The following ZNF578 variants were observed in gnomAD, a reference collection of about 807,000 sequenced individuals.
ZNF578 encodes zinc finger protein 578.
Under a neutral mutation model 8.3 loss-of-function variants are expected in ZNF578, and 8 were observed. The observed-to-expected ratio is 0.96, with a 90% CI of 0.56 to 1.74. The LOEUF (loss-of-function observed/expected upper bound fraction) is 1.74. Ranked by LOEUF, ZNF578 falls within the 40% of genes most tolerant of loss-of-function variation. The pLI, the probability that ZNF578 is intolerant of heterozygous loss-of-function variation, is 0.00. For missense variants in ZNF578, 726 were observed against 707.5 expected (o/e 1.03, Z -0.30); for synonymous variants, 206 against 232.2 (o/e 0.89, Z 1.03).
At chr19:52,479,933 G>A (rs534578905) in intron 2 of ZNF578, among the ~76,000 whole-genome samples, 6 of 147,162 alleles carry the variant, frequency 4.1e-5, no homozygotes, top group South Asian at 2.2e-4. Flanking sequence ...ATTTATTGAC[G>A]CAGTCTCGCT....
intron 3 of ZNF578, among the ~76,000 whole-genome samples, chr19:52,499,673 A>G (rs1321351725): frequency 1.4e-5 from 2 of 143,242 alleles, no homozygotes; most frequent in African/African-American, 5.4e-5. Context: ...GTGAGAAGAT[A>G]CATCACTTCC....
At chr19:52,473,613 A>G (rs758188203) in intron 2 of ZNF578, 32 of 191,190 alleles carry the variant, frequency 1.7e-4, no homozygotes, top group Non-Finnish European at 3.1e-4. Context: ...GCAAGGTGTG[A>G]AATTTGATTA....
At chr19:52,496,948 T>C (rs1463457262) in intron 3 of ZNF578, among the ~76,000 whole-genome samples, 2 of 151,842 alleles carry the variant, frequency 1.3e-5, no homozygotes, top group Non-Finnish European at 2.9e-5. Context: ...TTAATTTTTA[T>C]TTTTTTGAGA....
intron 2 of ZNF578, among the ~76,000 whole-genome samples, chr19:52,478,681 G>C (rs2059315571): frequency 6.6e-6 from 1 of 151,986 alleles, no homozygotes; most frequent in African/African-American, 2.4e-5. Flanking sequence ...TCAACTTTAA[G>C]GCCTGCTTGA....
intron 2 of ZNF578, among the ~76,000 whole-genome samples, chr19:52,469,713 C>T (rs1055858028): frequency 2.6e-5 from 4 of 152,076 alleles, no homozygotes; most frequent in Admixed American, 2.6e-4. Flanking sequence ...TTCTGGAGAA[C>T]CAAAGAACAT....
At chr19:52,505,588 GT>G (rs905970285) in intron 5 of ZNF578, among the ~76,000 whole-genome samples, 9 of 150,916 alleles carry the variant, frequency 6.0e-5, no homozygotes, top group African/African-American at 1.9e-4. Context: ...TGCCCAGCTA[GT>G]TTTTTTTTGT....
chr19:52,514,483 C>T lies in ZNF578; in HGVS notation c.*2329C>T, dbSNP rs542886835. Among the ~76,000 whole-genome samples the T allele has an allele frequency of 4.3e-4, 65 of 152,278 alleles. No homozygotes were observed. Among genetic ancestry groups the T allele is most frequent in the African/African-American group, 1.4e-3 (58 of 41,556 alleles). ...AGATGTCAGTGACCTTTTAAATAAA[C>T]ATCAAAATGTAGTTTAAGCAGTTAG... On this transcript the variant is annotated 3_prime_UTR_variant, in exon 6 of 6. Coordinates refer to ENST00000421239, the MANE Select transcript of ZNF578 (RefSeq NM_001099694.2).
chr19:52,490,412 AG>A (rs2059361422), intron 2 of ZNF578, among the ~76,000 whole-genome samples: 1 of 152,180 alleles, frequency 6.6e-6, no homozygotes, highest in Non-Finnish European at 1.5e-5. Flanking sequence ...TTTTCTTGAG[AG>A]AGAATTGTTT....
intron 2 of ZNF578, among the ~76,000 whole-genome samples, chr19:52,490,892 T>G (rs571674036): frequency 2.0e-5 from 3 of 152,356 alleles, no homozygotes; most frequent in East Asian, 1.9e-4. Context: ...TACATAAGCT[T>G]CTTGTGGATT....
At chr19:52,491,612 G>A (rs539058101) in intron 3 of ZNF578, among the ~76,000 whole-genome samples, 187 bp downstream of exon 3, 2 of 152,056 alleles carry the variant, frequency 1.3e-5, no homozygotes, top group East Asian at 3.9e-4. Flanking sequence ...ATACTCCAAA[G>A]GCTGAGGCAG....
intron 2 of ZNF578, among the ~76,000 whole-genome samples, chr19:52,465,497 C>G (rs1029113181): frequency 6.6e-6 from 1 of 152,206 alleles, no homozygotes; most frequent in Non-Finnish European, 1.5e-5. Flanking sequence ...CATCGTCTGT[C>G]TGAAAAGGCT....
intron 2 of ZNF578, among the ~76,000 whole-genome samples, chr19:52,489,100 C>A (rs961170890): frequency 6.6e-6 from 1 of 151,554 alleles, no homozygotes; most frequent in Non-Finnish European, 1.5e-5. Flanking sequence ...CTCCGTCTGC[C>A]CCCCCTAAAA....
chr19:52,498,031 A>C (rs2059392901), intron 3 of ZNF578, among the ~76,000 whole-genome samples: 1 of 152,224 alleles, frequency 6.6e-6, no homozygotes, highest in Admixed American at 6.6e-5. Flanking sequence ...CTGTGTGTGC[A>C]CATGGTGTGT....
chr19:52,494,359 T>A (rs147763081), intron 3 of ZNF578, among the ~76,000 whole-genome samples: 147 of 151,860 alleles, frequency 9.7e-4, no homozygotes, highest in African/African-American at 3.2e-3. Context: ...TAACGGGGCA[T>A]GATAGTGTAG....
intron 2 of ZNF578, among the ~76,000 whole-genome samples, chr19:52,482,433 C>T (rs973121948): frequency 7.2e-5 from 11 of 152,052 alleles, no homozygotes; most frequent in African/African-American, 1.4e-4. Flanking sequence ...GTCAGGGGTT[C>T]GAGACCAGCG....
chr19:52,510,446 G>C, intron 5 of ZNF578, 126 bp from the exon 6 acceptor site: 2 of 1,283,426 alleles, frequency 1.6e-6, no homozygotes, highest in Admixed American at 2.8e-5. Flanking sequence ...TTTTGTGTTC[G>C]TAAACTTTGA....
intron 3 of ZNF578, among the ~76,000 whole-genome samples, chr19:52,492,055 G>C (rs1163786682): frequency 6.7e-6 from 1 of 148,952 alleles, no homozygotes; most frequent in African/African-American, 2.5e-5. Flanking sequence ...TTACTCCAAA[G>C]GCTGAGGCAG....
intron 2 of ZNF578, among the ~76,000 whole-genome samples, chr19:52,470,940 G>A (rs914909737): frequency 1.3e-5 from 2 of 152,110 alleles, no homozygotes; most frequent in Admixed American, 6.5e-5. Context: ...GGCATTTCAT[G>A]TGGTTTGACA....
At chr19:52,492,817 G>C (rs527930722) in intron 3 of ZNF578, 4 of 152,432 alleles carry the variant, frequency 2.6e-5, no homozygotes, top group Admixed American at 2.6e-4. Flanking sequence ...TCCTGCGCGC[G>C]CAAACCAGGT....
Sources: allele counts gnomAD v4.1 joint callset (sites outside exome capture counted in the v4.1 genomes callset), GRCh38; gene constraint gnomAD v4.1.1; transcripts MANE v1.5; gene names NCBI Gene and HGNC (gene_info 2026-07-23, HGNC 2026-07-21).